Variants in BZW2 observed in about 807,000 individuals in gnomAD.
The protein encoded by BZW2 is eIF5-mimic protein 1.
BZW2 carries 23 observed loss-of-function variants against 53.2 expected under a neutral mutation model. The ratio of observed to expected loss-of-function variants is 0.43; its 90% CI spans 0.31 to 0.61. The LOEUF (loss-of-function observed/expected upper bound fraction) is 0.61. BZW2 is among the 20% of genes least tolerant of loss of function. The probability of loss-of-function intolerance (pLI) is 0.09; values close to 1 mark genes in which losing one functional copy is unlikely to be tolerated. For synonymous variants in BZW2, 227 were observed against 186.4 expected (o/e 1.22, Z -1.77); for missense variants, 409 against 503.1 (o/e 0.81, Z 1.79).
At chr7:16,685,505 A>T (rs894783357) in intron 5 of BZW2, among the ~76,000 whole-genome samples, 1 of 151,186 alleles carries the variant, frequency 6.6e-6, no homozygotes, top group Non-Finnish European at 1.5e-5. Context: ...GTAGCAGGGG[A>T]AGAGGTAGTC....
chr7:16,669,261 G>C (rs949430214), intron 2 of BZW2, among the ~76,000 whole-genome samples: 2 of 152,158 alleles, frequency 1.3e-5, no homozygotes, highest in African/African-American at 4.8e-5. Flanking sequence ...GAGTAGCTGG[G>C]ATTACAGGCG....
chr7:16,664,156 A>G (rs1486231965), intron 1 of BZW2, among the ~76,000 whole-genome samples: 4 of 152,180 alleles, frequency 2.6e-5, no homozygotes, highest in African/African-American at 9.6e-5. Flanking sequence ...TTTGAAAAGT[A>G]TTTATTATAT....
At chr7:16,674,295 C>T (rs577757027) in intron 2 of BZW2, 117 bp from the exon 3 acceptor site, 26 of 687,266 alleles carry the variant, frequency 3.8e-5, no homozygotes, top group East Asian at 5.7e-5. Context: ...CATTCTTTGG[C>T]GATGCTCTGT....
intron 6 of BZW2, among the ~76,000 whole-genome samples, chr7:16,689,079 A>C (rs1165687776): frequency 6.6e-6 from 1 of 152,096 alleles, no homozygotes; most frequent in Non-Finnish European, 1.5e-5. Flanking sequence ...TACAAAAATT[A>C]GCTGGGTGTG....
intron 8 of BZW2, among the ~76,000 whole-genome samples, chr7:16,696,579 T>C (rs1399320207): frequency 6.6e-6 from 1 of 152,096 alleles, no homozygotes; most frequent in African/African-American, 2.4e-5. Flanking sequence ...CTTCTTTAAA[T>C]CTCCAAAAAG....
chr7:16,693,293 T>G (rs1477374099), intron 7 of BZW2, among the ~76,000 whole-genome samples: 1 of 152,194 alleles, frequency 6.6e-6, no homozygotes, highest in Non-Finnish European at 1.5e-5. Flanking sequence ...ATGGTATGAT[T>G]TAGACGGGCT....
At chr7:16,656,553 G>GCGCA (rs1186542837) in intron 1 of BZW2, among the ~76,000 whole-genome samples, 1 of 119,854 alleles carries the variant, frequency 8.3e-6, no homozygotes, top group Non-Finnish European at 1.7e-5. Context: ...CAGCGCGCGC[G>GCGCA]CGCACACACA....
At chr7:16,700,572 A>T (rs1783634728) in intron 10 of BZW2, among the ~76,000 whole-genome samples, 1 of 152,220 alleles carries the variant, frequency 6.6e-6, no homozygotes, top group Non-Finnish European at 1.5e-5. Context: ...ATTCTGATTC[A>T]GTAGGGCCAG....
intron 3 of BZW2, among the ~76,000 whole-genome samples, chr7:16,680,789 C>T (rs1008489057): frequency 4.6e-5 from 7 of 151,706 alleles, no homozygotes; most frequent in African/African-American, 1.2e-4. Flanking sequence ...AGCAATAGAG[C>T]GAAACCCTGT....
intron 2 of BZW2, among the ~76,000 whole-genome samples, chr7:16,668,505 A>G (rs1273125877): frequency 1.3e-5 from 2 of 152,162 alleles, no homozygotes; most frequent in African/African-American, 4.8e-5. Context: ...AATTGAGTCA[A>G]CTTCATTTTC....
In BZW2 at chr7:16,706,161, G is replaced by A; in HGVS notation, c.*73G>A. ...TTGGGAATGCTGAACCATTTGAGAA[G>A]AGAAACTTGGCTTCTGTTTTCGCAA... On this transcript the variant is annotated 3_prime_UTR_variant, in exon 12 of 12. Transcript: ENST00000258761. The A allele has an allele frequency of 1.3e-6, 2 of 1,506,654 alleles. No homozygotes were observed. The highest frequency in any genetic ancestry group is 1.4e-5 in the African/African-American group (1 of 70,994). 93.3% of individuals were successfully genotyped at this position (1,506,654 alleles called of 1,614,324 possible).
chr7:16,677,051 C>CTTTTT (rs10660587), intron 3 of BZW2, among the ~76,000 whole-genome samples: 2 of 130,072 alleles, frequency 1.5e-5, no homozygotes, highest in Non-Finnish European at 3.3e-5. Context: ...GCCCAGATTT[C>CTTTTT]TTTTTTTTTT....
In BZW2 at chr7:16,694,994, C is replaced by G. The variant is rs764155066; in HGVS notation, c.812C>G (p.Pro271Arg). The stretch of plus-strand genomic sequence containing the variant: ...CAGGAGCGTCTTTCTCAGGAATGCC[C>G]GATCAAGGAGGTGGGAGACCACGGG... ...ELQERLSQEC[P>R]IKEVVLYVKE... Residue 271 changes from proline to arginine, a missense_variant, in exon 8 of 12, where the codon CCG becomes CGG. Transcript: ENST00000258761. The G allele has an allele frequency of 2.5e-6, 4 of 1,575,112 alleles. No homozygotes were observed. Among genetic ancestry groups the G allele is most frequent in the Non-Finnish European group, 3.5e-6 (4 of 1,150,170 alleles).
chr7:16,673,352 A>G (rs1384286630), intron 2 of BZW2, among the ~76,000 whole-genome samples: 2 of 152,310 alleles, frequency 1.3e-5, no homozygotes, highest in South Asian at 4.1e-4. Flanking sequence ...ATACCAAGAT[A>G]TTCACGTCTT....
chr7:16,678,446 G>A (rs1357421829), intron 3 of BZW2, among the ~76,000 whole-genome samples: 2 of 152,082 alleles, frequency 1.3e-5, no homozygotes, highest in Non-Finnish European at 2.9e-5. Context: ...GAGAAAAACA[G>A]CAGTCACTCC....
At chr7:16,686,236 G>T in intron 6 of BZW2, 196 bp downstream of exon 6, 1 of 749,048 alleles carries the variant, frequency 1.3e-6, no homozygotes, top group Non-Finnish European at 2.1e-6. Context: ...AAGTTTGAAG[G>T]AAAAAATATG....
rs185335537 is a variant in BZW2 at position 16,686,121 on chromosome 7, T to C, written c.541+81T>C. ...AGATAGTTAGAAAAATGCCAGTGGC[T>C]CTTTTTGGTGTCCTCTATTACTCAT... is the stretch of plus-strand genomic sequence containing the variant. On this transcript the variant is annotated intron_variant, in intron 6 of 11. Transcript: ENST00000258761. The C allele has an allele frequency of 1.7e-4, 262 of 1,553,510 alleles. No homozygotes were observed. In the East Asian group the frequency reaches 5.8e-3, roughly 34 times the overall value.
intron 4 of BZW2, 104 bp from the exon 5 acceptor site, chr7:16,682,676 C>A: frequency 1.8e-6 from 1 of 562,800 alleles, no homozygotes; most frequent in Non-Finnish European, 2.9e-6. Context: ...TTTAACTATA[C>A]ACTTTTATTA....
At chr7:16,663,637 GA>G (rs1562479115) in intron 1 of BZW2, among the ~76,000 whole-genome samples, 1 of 151,900 alleles carries the variant, frequency 6.6e-6, no homozygotes, top group Non-Finnish European at 1.5e-5. Flanking sequence ...TAAATTACTT[GA>G]ATAATGTAAA....
Sources: allele counts gnomAD v4.1 joint callset (sites outside exome capture counted in the v4.1 genomes callset), GRCh38; gene constraint gnomAD v4.1.1; transcripts MANE v1.5; gene names NCBI Gene and HGNC (gene_info 2026-07-23, HGNC 2026-07-21).